C1QTNF1: variants seen among roughly 807,000 people sequenced by gnomAD.
C1QTNF1 encodes the protein complement C1q tumor necrosis factor-related protein 1.
Under a neutral mutation model 27.8 loss-of-function variants are expected in C1QTNF1, and 22 were observed. The ratio of observed to expected loss-of-function variants is 0.79; its 90% CI spans 0.56 to 1.13. The LOEUF is 1.13. Ranked by LOEUF, C1QTNF1 falls within the 50% of genes most tolerant of loss-of-function variation. C1QTNF1 has a pLI of 0.00. For missense variants in C1QTNF1, 373 were observed against 380.2 expected, an observed-to-expected ratio of 0.98 and a Z score of 0.16; for synonymous variants, 166 against 154.3, an observed-to-expected ratio of 1.08 and a Z score of -0.56.
Position 79,048,928 on chromosome 17 carries a change from G to T in C1QTNF1, c.*840G>T, listed in dbSNP as rs2072677312. On this transcript the variant is annotated 3_prime_UTR_variant, in exon 4 of 4. Coordinates refer to ENST00000579760, the MANE Select transcript of C1QTNF1 (RefSeq NM_030968.5). ...CCATGTGTGGCTCTGCTCCACCCCT[G>T]TGCCACCCCAGAGCCCTGGGGGGTG... is the stretch of plus-strand genomic sequence containing the variant. 1 of 152,180 alleles carries T rather than the reference G, an allele frequency of 6.6e-6. No individual in the cohort carries two copies. Among genetic ancestry groups the T allele is most frequent in the Non-Finnish European group, 1.5e-5 (1 of 68,028 alleles). 9.4% of individuals were successfully genotyped at this position (152,180 alleles called of 1,614,324 possible). A position where few individuals can be genotyped will look rare whatever the true frequency, so the allele number is the denominator to read the frequency against.
upstream of C1QTNF1, among the ~76,000 whole-genome samples, chr17:79,023,704 G>GCGCGCGCACACACACACA (rs1267428917): frequency 5.4e-3 from 788 of 144,978 alleles, 6 homozygotes; most frequent in East Asian, 0.04. Flanking sequence ...GCGCGCGCGC[G>GCGCGCGCACACACACACA]CACACACACA....
intron 1 of C1QTNF1, among the ~76,000 whole-genome samples, chr17:79,032,539 C>A (rs1030692836): frequency 1.3e-5 from 2 of 152,160 alleles, no homozygotes; most frequent in African/African-American, 4.8e-5. Flanking sequence ...AGGCAGAAAA[C>A]CAGCCAGGGC....
chr17:79,047,462 C>T (rs948183105), intron 3 of C1QTNF1, 76 bp from the exon 4 acceptor site: 46 of 1,400,246 alleles, frequency 3.3e-5, no homozygotes, highest in African/African-American at 5.8e-5. Context: ...CGCCAGGGAC[C>T]GGAGAGTGAG....
chr17:79,030,182 C>A (rs1247552330), intron 1 of C1QTNF1, among the ~76,000 whole-genome samples: 2 of 152,112 alleles, frequency 1.3e-5, no homozygotes, highest in Non-Finnish European at 1.5e-5. Flanking sequence ...TGTGTACTTA[C>A]TGTGAAAAAG....
chr17:79,043,257 A>C, intron 1 of C1QTNF1: 1 of 446,054 alleles, frequency 2.2e-6, no homozygotes, highest in East Asian at 7.0e-5. Flanking sequence ...ATATGTATGC[A>C]TGTGTGTGCA....
chr17:79,046,522 G>C lies in C1QTNF1; in HGVS notation c.156-33G>C. 6.2e-7 allele frequency: 1 copy of C among 1,613,020 alleles called. No individual in the cohort carries two copies. The highest frequency in any genetic ancestry group is 8.5e-7 in the Non-Finnish European group (1 of 1,179,242). ...AGCAGCGTTTCCAGGCCTGAGAGTG[G>C]CTGACTTTCACTGTGATTCTTTATT... On this transcript the variant is annotated intron_variant, in intron 2 of 3. Transcript: ENST00000579760. The surrounding 1 kb of genome is among the most constrained non-coding windows in gnomAD (Gnocchi z 4.8).
upstream of C1QTNF1, among the ~76,000 whole-genome samples, chr17:79,023,734 A>ACACACACG (rs2071836793): frequency 6.6e-6 from 1 of 151,908 alleles, no homozygotes. Flanking sequence ...ACACACACAC[A>ACACACACG]CACAGTTTGG....
chr17:79,047,768 G>C lies in C1QTNF1; in HGVS notation c.526G>C (p.Asp176His), dbSNP rs373450378. Residue 176 changes from aspartate (D) to histidine (H), a missense_variant, in exon 4 of 4, where the codon GAC (aspartate) becomes CAC (histidine). By Grantham distance (81) the Asp-to-His change is moderately conservative. Transcript: ENST00000579760. ...CGACACGGAGTTCGTGAACCTCTAC[G>C]ACCACTTCAACATGTTCACCGGCAA... is the stretch of plus-strand genomic sequence containing the variant. ...IFDTEFVNLY[D>H]HFNMFTGKFY... 3.1e-6 allele frequency: 5 copies of C among 1,614,128 alleles called. No homozygotes were observed. The highest frequency in any genetic ancestry group is 4.2e-6 in the Non-Finnish European group (5 of 1,180,024).
rs531531568 is a variant in C1QTNF1, at chr17:79,043,922, C to T, written c.-14-33C>T. The T allele has an allele frequency of 3.5e-5, 56 of 1,611,026 alleles. No individual in the cohort carries two copies. In the East Asian group the frequency reaches 9.4e-4, roughly 27 times the overall value. ...TTCTCTGTGCAGCTCCTTCCTAACT[C>T]GGTGCCTTCCCTGTGTGTTTCTTTC... On this transcript the variant is annotated intron_variant, in intron 1 of 3. Coordinates refer to ENST00000579760, the MANE Select transcript of C1QTNF1 (RefSeq NM_030968.5).
intron 2 of C1QTNF1, among the ~76,000 whole-genome samples, chr17:79,045,396 C>T (rs549999257): frequency 9.9e-4 from 151 of 152,204 alleles, no homozygotes; most frequent in African/African-American, 3.5e-3. Flanking sequence ...CAAGAGGAAT[C>T]ATGGGAAAGC....
chr17:79,043,558 T>G (rs1028551126), intron 1 of C1QTNF1: 10 of 434,688 alleles, frequency 2.3e-5, no homozygotes, highest in Admixed American at 2.2e-4. Context: ...ACTGTGCATG[T>G]GTATTGTGTG....
upstream of C1QTNF1, among the ~76,000 whole-genome samples, chr17:79,023,827 G>C (rs1421375377): frequency 6.6e-6 from 1 of 152,224 alleles, no homozygotes; most frequent in Non-Finnish European, 1.5e-5. Context: ...GTCTGCCACT[G>C]TTTGGAGACC....
rs1439988939 is a variant in C1QTNF1 at position 79,049,273 on chromosome 17, C to T, written c.*1185C>T. 3 of 152,286 alleles carry T rather than the reference C, an allele frequency of 2.0e-5. No homozygotes were observed. Among genetic ancestry groups the T allele is most frequent in the African/African-American group, 7.2e-5 (3 of 41,446 alleles). The allele number at this position is 152,286 out of a possible 1,614,324, so 9.4% of individuals were successfully genotyped here. On this transcript the variant is annotated 3_prime_UTR_variant, in exon 4 of 4. Transcript: ENST00000579760. The surrounding 1 kb of genome is among the most constrained non-coding windows in gnomAD (Gnocchi z 4.4). ...AGCTCCCGCTTGTCTGTTTCTCAGG[C>T]TCCTGTGAGCCTCAGTCCTGAGACC...
chr17:79,027,230 G>T (rs1368978907), intron 1 of C1QTNF1: 1 of 152,272 alleles, frequency 6.6e-6, no homozygotes, highest in Non-Finnish European at 1.5e-5. Flanking sequence ...AGATGTTCAA[G>T]TGGGGGCACT....
chr17:79,026,778 C>T (rs966384407), intron 1 of C1QTNF1, among the ~76,000 whole-genome samples: 3 of 152,130 alleles, frequency 2.0e-5, no homozygotes, highest in African/African-American at 7.2e-5. Context: ...GGACGTCCTC[C>T]CAAGTAGGAG....
chr17:79,025,468 G>C (rs76365631), intron 1 of C1QTNF1, among the ~76,000 whole-genome samples: 2,528 of 152,212 alleles, frequency 0.017, 67 homozygotes, highest in African/African-American at 0.056. Context: ...GCAACATGAC[G>C]TGCTGGGAGC....
Position 79,047,813 on chromosome 17 carries a change from G to T in C1QTNF1, c.571G>T (p.Gly191Cys). 1 of 1,614,150 alleles carries T rather than the reference G, an allele frequency of 6.2e-7. No individual in the cohort carries two copies. The highest frequency in any genetic ancestry group is 8.5e-7 in the Non-Finnish European group (1 of 1,180,024). Reference sequence around the variant, plus strand: ...CGGCAAGTTCTACTGCTACGTGCCCGGCCTCTACTTCTTCAGCCTCAACGT... The same window carrying T: ...CGGCAAGTTCTACTGCTACGTGCCCTGCCTCTACTTCTTCAGCCTCAACGT... ...FTGKFYCYVPGLYFFSLNVHT... is the reference protein window; with the variant it reads ...FTGKFYCYVPCLYFFSLNVHT... Residue 191 changes from glycine (G) to cysteine (C), a missense_variant, in exon 4 of 4, where the codon GGC becomes TGC. Coordinates refer to ENST00000579760, the MANE Select transcript of C1QTNF1 (RefSeq NM_030968.5).
At position 79,046,616 on chromosome 17, in the gene C1QTNF1, T is replaced by A; in HGVS notation, c.217T>A (p.Cys73Ser). The A allele has an allele frequency of 6.2e-7, 1 of 1,614,234 alleles. No individual in the cohort carries two copies. The highest frequency in any genetic ancestry group is 1.3e-5 in the African/African-American group (1 of 75,064). ...SQDQGLPASR[C>S]LRCCDPGTSM... is the part of the protein sequence containing the mutation. ...GGACCAGGGGCTCCCTGCTTCCCGG[T>A]GCTTGCGCTGCTGTGACCCCGGTAC... The change falls in exon 3 of 4, where the codon TGC becomes AGC. Residue 73 changes from cysteine (C) to serine (S), a missense_variant. Transcript: ENST00000579760. The surrounding 1 kb of genome is among the most constrained non-coding windows in gnomAD (Gnocchi z 4.8).
upstream of C1QTNF1, among the ~76,000 whole-genome samples, chr17:79,023,722 A>G (rs5028453): frequency 2.0e-5 from 3 of 150,264 alleles, no homozygotes; most frequent in South Asian, 6.2e-4. Flanking sequence ...ACACACACAC[A>G]CACACACACA....
Sources: allele counts gnomAD v4.1 joint callset (sites outside exome capture counted in the v4.1 genomes callset), GRCh38; gene constraint gnomAD v4.1.1; non-coding constraint Gnocchi (gnomAD v3.1); transcripts MANE v1.5; gene names NCBI Gene and HGNC (gene_info 2026-07-23, HGNC 2026-07-21).